The following MYRIP variants were observed in gnomAD, a reference collection of about 807,000 sequenced individuals.
MYRIP encodes the protein rab effector MyRIP.
Under a neutral mutation model 98.0 loss-of-function variants are expected in MYRIP, and 49 were observed. That is an observed-to-expected ratio of 0.50 (90% confidence interval 0.40 to 0.63). The LOEUF (loss-of-function observed/expected upper bound fraction) is 0.63. Ranked by LOEUF, MYRIP falls within the 30% of genes least tolerant of loss-of-function variation. The pLI is 0.00. For synonymous variants in MYRIP, 404 were observed against 409.5 expected, an observed-to-expected ratio of 0.99 and a Z score of 0.16; for missense variants, 1,004 against 1,058.2, an observed-to-expected ratio of 0.95 and a Z score of 0.71.
intron 16 of MYRIP, among the ~76,000 whole-genome samples, chr3:40,255,546 T>TA (rs1477872203): frequency 6.6e-6 from 1 of 152,014 alleles, no homozygotes; most frequent in Non-Finnish European, 1.5e-5. Flanking sequence ...ACTAAACAAA[T>TA]AAAAGCAAAA....
chr3:40,134,026 C>G (rs910961981), intron 3 of MYRIP, among the ~76,000 whole-genome samples: 1 of 152,160 alleles, frequency 6.6e-6, no homozygotes, highest in Non-Finnish European at 1.5e-5. Flanking sequence ...GAGTGCCGGA[C>G]AGTGGGTGCA....
intron 12 of MYRIP, among the ~76,000 whole-genome samples, chr3:40,239,019 C>T (rs985482954): frequency 2.0e-5 from 3 of 151,084 alleles, no homozygotes; most frequent in African/African-American, 7.3e-5. Flanking sequence ...AACTCGTCAT[C>T]TAGCATTAGG....
intron 9 of MYRIP, 91 bp from the exon 10 acceptor site, chr3:40,189,735 G>A: frequency 2.2e-6 from 3 of 1,370,682 alleles, no homozygotes; most frequent in Non-Finnish European, 3.0e-6. Flanking sequence ...AGCCCCACAA[G>A]CCACTCTTGG....
chr3:39,921,282 G>A (rs144914268), intron 2 of MYRIP, among the ~76,000 whole-genome samples: 123 of 152,300 alleles, frequency 8.1e-4, no homozygotes, highest in Non-Finnish European at 1.4e-3. Flanking sequence ...ACCAGCAAGT[G>A]AGCACTGGTG....
At chr3:39,961,349 C>T (rs1477832005) in intron 2 of MYRIP, among the ~76,000 whole-genome samples, 1 of 152,118 alleles carries the variant, frequency 6.6e-6, no homozygotes, top group Non-Finnish European at 1.5e-5. Context: ...TTCTGTCTTA[C>T]TTCAGAAAGG....
intron 1 of MYRIP, among the ~76,000 whole-genome samples, chr3:39,866,200 A>C (rs190351916): frequency 4.7e-4 from 72 of 152,168 alleles, no homozygotes; most frequent in Non-Finnish European, 7.9e-4. Flanking sequence ...AATTGAGGTT[A>C]AGGATTTAAA....
intron 3 of MYRIP, among the ~76,000 whole-genome samples, chr3:40,067,610 G>A (rs1305829401): frequency 6.6e-6 from 1 of 152,136 alleles, no homozygotes; most frequent in Non-Finnish European, 1.5e-5. Context: ...CCTGAGTCAA[G>A]CTAGGTATTG....
At chr3:40,085,787 G>T (rs1219159886) in intron 3 of MYRIP, among the ~76,000 whole-genome samples, 1 of 152,078 alleles carries the variant, frequency 6.6e-6, no homozygotes. Context: ...AAAAATATGG[G>T]TACATAAAAT....
chr3:40,034,047 C>T (rs932203888), intron 2 of MYRIP, among the ~76,000 whole-genome samples: 3 of 152,226 alleles, frequency 2.0e-5, no homozygotes, highest in African/African-American at 7.2e-5. Flanking sequence ...GGATCCTTTC[C>T]TTACACCTTA....
At chr3:40,036,768 A>C (rs755248789) in intron 2 of MYRIP, among the ~76,000 whole-genome samples, 1 of 152,108 alleles carries the variant, frequency 6.6e-6, no homozygotes, top group Non-Finnish European at 1.5e-5. Context: ...GGCAGGCCCT[A>C]GTCTTCTTCA....
At chr3:39,998,813 C>G (rs991308075) in intron 2 of MYRIP, among the ~76,000 whole-genome samples, 1 of 152,210 alleles carries the variant, frequency 6.6e-6, no homozygotes, top group Non-Finnish European at 1.5e-5. Context: ...CAGCATGGTA[C>G]TGGTACCAAA....
Position 39,957,084 on chromosome 3 carries a change from G to A in MYRIP, c.110+56158G>A, listed in dbSNP as rs566197964. 1.8e-3 allele frequency among the ~76,000 whole-genome samples: 275 copies of A among 151,886 alleles called. 9 individuals are homozygous for A. Among genetic ancestry groups the A allele is most frequent in the African/African-American group, 6.3e-3 (261 of 41,202 alleles). On this transcript the variant is annotated intron_variant, in intron 2 of 16. Transcript: ENST00000302541. Reference sequence around the variant, plus strand: ...TCCAGGACCAGATGGATTCACAGCCGAATTCTACCAGAGGTACAAAGAGAA... The same window carrying A: ...TCCAGGACCAGATGGATTCACAGCCAAATTCTACCAGAGGTACAAAGAGAA...
At chr3:39,939,499 C>T (rs550351437) in intron 2 of MYRIP, among the ~76,000 whole-genome samples, 10 of 151,982 alleles carry the variant, frequency 6.6e-5, no homozygotes, top group East Asian at 3.9e-4. Context: ...CTTATCTGCA[C>T]GTGTGTGTAA....
chr3:39,885,182 A>G (rs1182549849), intron 1 of MYRIP, among the ~76,000 whole-genome samples: 1 of 151,378 alleles, frequency 6.6e-6, no homozygotes, highest in Non-Finnish European at 1.5e-5. Flanking sequence ...TGTGAACTCT[A>G]TTTCCTTTGC....
Position 40,062,928 on chromosome 3 carries a change from T to A in MYRIP, c.332+18657T>A, listed in dbSNP as rs562237113. 2.0e-5 allele frequency among the ~76,000 whole-genome samples: 3 copies of A among 152,142 alleles called. No homozygotes were observed. The East Asian group carries it at 5.8e-4, about 29-fold the overall frequency. ...AGAAAGTTACTGTGTGCCTGAAAAA[T>A]CCCAAGTTACACAGGGCTGTTTAGT... On this transcript the variant is annotated intron_variant, in intron 3 of 16. Transcript: ENST00000302541.
At chr3:40,133,800 T>G (rs985315454) in intron 3 of MYRIP, among the ~76,000 whole-genome samples, 2 of 152,192 alleles carry the variant, frequency 1.3e-5, no homozygotes, top group Admixed American at 1.3e-4. Context: ...TCTGACATTC[T>G]CAGAAGTTTC....
At chr3:40,203,547 A>T (rs9828021) in intron 10 of MYRIP, among the ~76,000 whole-genome samples, 141,455 of 149,504 alleles carry the variant, frequency 0.95, 67,079 homozygotes, top group Middle Eastern at 0.98. Flanking sequence ...ATATTAGAAG[A>T]CTCTTGTTTA....
chr3:40,083,603 A>G (rs1296521792), intron 3 of MYRIP, among the ~76,000 whole-genome samples: 1 of 152,230 alleles, frequency 6.6e-6, no homozygotes, highest in Non-Finnish European at 1.5e-5. Context: ...AAATACATCC[A>G]GATCTATGCC....
chr3:39,925,255 A>G (rs888778683), intron 2 of MYRIP, among the ~76,000 whole-genome samples: 9 of 152,128 alleles, frequency 5.9e-5, no homozygotes, highest in Non-Finnish European at 1.5e-5. Flanking sequence ...ATCACCGAGG[A>G]CACAGACAAT....
Sources: allele counts gnomAD v4.1 joint callset (sites outside exome capture counted in the v4.1 genomes callset), GRCh38; gene constraint gnomAD v4.1.1; transcripts MANE v1.5; gene names NCBI Gene and HGNC (gene_info 2026-07-23, HGNC 2026-07-21).